KDM5A: variants seen among roughly 807,000 people sequenced by gnomAD.
KDM5A encodes the protein lysine demethylase 5A, also known as lysine-specific demethylase 5A.
KDM5A carries 42 observed loss-of-function variants against 193.5 expected under a neutral mutation model. The observed-to-expected ratio is 0.22, with a 90% CI of 0.17 to 0.28. The LOEUF (loss-of-function observed/expected upper bound fraction) is 0.28. Ranked by LOEUF, KDM5A falls within the 10% of genes least tolerant of loss-of-function variation. The pLI, the probability that KDM5A is intolerant of heterozygous loss-of-function variation, is 1.00. For missense variants in KDM5A, 1,692 were observed against 2,055.1 expected, an observed-to-expected ratio of 0.82 and a Z score of 3.42; for synonymous variants, 796 against 718.1, an observed-to-expected ratio of 1.11 and a Z score of -1.73.
At chr12:339,126 C>G (rs932900968) in intron 10 of KDM5A, among the ~76,000 whole-genome samples, 2 of 148,102 alleles carry the variant, frequency 1.4e-5, no homozygotes, top group African/African-American at 5.0e-5. Context: ...TGTGGTGAGC[C>G]GAGATCACAC....
intron 3 of KDM5A, among the ~76,000 whole-genome samples, chr12:377,622 T>C (rs536363863): frequency 6.6e-6 from 1 of 152,310 alleles, no homozygotes; most frequent in African/African-American, 2.4e-5. Flanking sequence ...ACCAAACTAC[T>C]AATAAAGTTT....
intron 3 of KDM5A, among the ~76,000 whole-genome samples, chr12:373,305 C>T (rs1209670648): frequency 2.0e-5 from 3 of 152,192 alleles, no homozygotes; most frequent in African/African-American, 7.2e-5. Flanking sequence ...TCAACTTCTT[C>T]CTGGTTTAGT....
In KDM5A at chr12:309,888, T is replaced by C. The variant is rs1294711465; in HGVS notation, c.3293A>G (p.Glu1098Gly). The change falls in exon 22 of 28, where the codon GAA (glutamate) becomes GGA (glycine). Residue 1098 changes from glutamate to glycine, a missense_variant. Glu to Gly is a moderately conservative substitution (Grantham distance 98). Transcript: ENST00000399788. ...NRRKKVKELI[E>G]KEKEKDLDLE... ...GTCCAGATCCTTTTCTTTTTCTTTT[T>C]CTATTAGTTCTTTTACTTTTTTCCT... 5 of 1,613,634 alleles carry C rather than the reference T, an allele frequency of 3.1e-6. No individual in the cohort carries two copies. The highest frequency in any genetic ancestry group is 1.3e-5 in the African/African-American group (1 of 74,880).
At chr12:329,920 TAA>T (rs900587590) in intron 13 of KDM5A, among the ~76,000 whole-genome samples, 31 of 152,200 alleles carry the variant, frequency 2.0e-4, no homozygotes, top group Admixed American at 1.3e-4. Context: ...AATGGACCTT[TAA>T]GAGCCTTTTA....
intron 27 of KDM5A, among the ~76,000 whole-genome samples, chr12:289,104 T>C (rs1182286745): frequency 6.6e-6 from 1 of 152,052 alleles, no homozygotes; most frequent in Non-Finnish European, 1.5e-5. Context: ...AGTCTCTTAA[T>C]TTACCACACA....
intron 3 of KDM5A, among the ~76,000 whole-genome samples, chr12:380,488 G>T (rs1421565962): frequency 1.3e-5 from 2 of 152,118 alleles, no homozygotes; most frequent in African/African-American, 2.4e-5. Flanking sequence ...GGCCAAGGTG[G>T]GCAGATCATT....
rs565332414 is a variant in KDM5A, at chr12:373,329, A to G, written c.367-7225T>C. Among the ~76,000 whole-genome samples the G allele has an allele frequency of 2.0e-4, 31 of 152,240 alleles. No homozygotes were observed. The South Asian group carries it at 4.8e-3, about 23-fold the overall frequency. On this transcript the variant is annotated intron_variant, in intron 3 of 27. Coordinates refer to ENST00000399788, the MANE Select transcript of KDM5A (RefSeq NM_001042603.3). ...TCCTGGTTTAGTCTTGGGAGGGTGTATGTCTCCAGGAATTTATCCATTTCT... is the reference window on the plus strand; with the variant it reads ...TCCTGGTTTAGTCTTGGGAGGGTGTGTGTCTCCAGGAATTTATCCATTTCT...
chr12:281,924 C>T lies in KDM5A; in HGVS notation c.*3532G>A. 6.9e-6 allele frequency: 2 copies of T among 289,152 alleles called. No homozygotes were observed. Among genetic ancestry groups the T allele is most frequent in the African/African-American group, 2.2e-5 (1 of 46,198 alleles). The allele number at this position is 289,152 out of a possible 1,614,324, so 17.9% of individuals were successfully genotyped here. A position where few individuals can be genotyped will look rare whatever the true frequency, so the allele number is the denominator to read the frequency against. ...CAAAAAGACATTTTGTGGGCACCTG[C>T]TAGCACAGAAGCGCAGAAGCAAAGC... is the stretch of plus-strand genomic sequence containing the variant. On this transcript the variant is annotated 3_prime_UTR_variant, in exon 28 of 28. Coordinates refer to ENST00000399788, the MANE Select transcript of KDM5A (RefSeq NM_001042603.3).
At chr12:310,091 A>G (rs1943565125) in intron 21 of KDM5A, 127 bp from the exon 22 acceptor site, 1 of 860,644 alleles carries the variant, frequency 1.2e-6, no homozygotes, top group East Asian at 2.6e-5. Context: ...CTTTATACAC[A>G]TGATCTAATT....
intron 18 of KDM5A, 150 bp from the exon 19 acceptor site, chr12:318,611 TAATA>T: frequency 3.2e-6 from 2 of 631,630 alleles, no homozygotes; most frequent in Non-Finnish European, 5.6e-6. Context: ...ACAGTTAAAT[TAATA>T]AATATGCTTT....
chr12:317,687 G>T (rs569997661), intron 19 of KDM5A, among the ~76,000 whole-genome samples: 3 of 152,340 alleles, frequency 2.0e-5, no homozygotes, highest in Middle Eastern at 3.4e-3. Flanking sequence ...GTCGGAGCCA[G>T]ACCCAGGAGA....
In KDM5A at chr12:327,561, T is replaced by C. The variant is rs190764739; in HGVS notation, c.1968+1274A>G. On this transcript the variant is annotated intron_variant, in intron 14 of 27. Transcript: ENST00000399788. ...CCCATCTCTACTAAAAATACAAAAC[T>C]GGCTGGTCAAGGTGGCGCATGCCTG... is the stretch of plus-strand genomic sequence containing the variant. 3.3e-5 allele frequency among the ~76,000 whole-genome samples: 5 copies of C among 152,054 alleles called. No individual in the cohort carries two copies. In the East Asian group the frequency reaches 9.7e-4, roughly 29 times the overall value.
chr12:333,305 G>A (rs1300161825), intron 12 of KDM5A, 182 bp downstream of exon 12: 4 of 661,318 alleles, frequency 6.0e-6, no homozygotes, highest in Non-Finnish European at 8.1e-6. Context: ...TATAGTCCCA[G>A]CTACTCATTA....
At chr12:312,715 C>T (rs1391307601) in intron 20 of KDM5A, among the ~76,000 whole-genome samples, 2 of 152,084 alleles carry the variant, frequency 1.3e-5, no homozygotes, top group East Asian at 1.9e-4. Flanking sequence ...AATTAACATA[C>T]GAAACACAGC....
chr12:306,095 C>T (rs1943504099), intron 24 of KDM5A, among the ~76,000 whole-genome samples: 2 of 151,714 alleles, frequency 1.3e-5, no homozygotes, highest in East Asian at 1.9e-4. Context: ...CTTCAGCCTC[C>T]CAAGTAGCTG....
rs546754201 is a variant in KDM5A, at chr12:292,924, C to T, written c.4701G>A (p.Lys1567=). 3.8e-6 allele frequency: 6 copies of T among 1,586,244 alleles called. No individual in the cohort carries two copies. In the East Asian group the frequency reaches 8.9e-5, roughly 24 times the overall value. The change falls in exon 27 of 28, where the codon AAG becomes AAA. Residue 1567 remains lysine, a synonymous_variant. Coordinates refer to ENST00000399788, the MANE Select transcript of KDM5A (RefSeq NM_001042603.3). ...CAAGTTCAACTTTGGCTGCAGCAGC[C>T]TTCTCCTTCTTTTTCTTTCTCTCTT... is the stretch of plus-strand genomic sequence containing the variant. ...KEEERKKKKE[K]AAAAKVELVK... is the part of the protein sequence containing the mutation.
At chr12:388,864 A>G in intron 1 of KDM5A, 63 bp downstream of exon 1, 1 of 1,545,184 alleles carries the variant, frequency 6.5e-7, no homozygotes, top group Non-Finnish European at 8.9e-7. Context: ...AAGTAAAGCT[A>G]AACCCAGTGT....
intron 3 of KDM5A, among the ~76,000 whole-genome samples, chr12:383,650 T>C (rs1057006198): frequency 6.6e-6 from 1 of 152,222 alleles, no homozygotes; most frequent in Admixed American, 6.5e-5. Context: ...TGATAAATAT[T>C]AATATTTAGT....
chr12:382,839 G>C (rs1944591884), intron 3 of KDM5A, among the ~76,000 whole-genome samples: 1 of 152,074 alleles, frequency 6.6e-6, no homozygotes, highest in Non-Finnish European at 1.5e-5. Flanking sequence ...GGCTGAGGAA[G>C]GAGAATTGCT....
Sources: allele counts gnomAD v4.1 joint callset (sites outside exome capture counted in the v4.1 genomes callset), GRCh38; gene constraint gnomAD v4.1.1; transcripts MANE v1.5; gene names NCBI Gene and HGNC (gene_info 2026-07-23, HGNC 2026-07-21).